CANT1: variants seen among roughly 807,000 people sequenced by gnomAD.
The protein encoded by CANT1 is soluble calcium-activated nucleotidase 1.
A neutral mutation model predicts 30.0 loss-of-function variants in CANT1; 26 were observed. The observed-to-expected ratio is 0.87, with a 90% CI of 0.64 to 1.20. The LOEUF is 1.20. Ranked by LOEUF, CANT1 falls within the 50% of genes most tolerant of loss-of-function variation. The pLI, the probability that CANT1 is intolerant of heterozygous loss-of-function variation, is 0.00. For synonymous variants in CANT1, 246 were observed against 251.8 expected (o/e 0.98, Z 0.22); for missense variants, 518 against 563.0 (o/e 0.92, Z 0.81).
At position 78,992,863 on chromosome 17, in the gene CANT1, A is replaced by G; in HGVS notation, c.*687T>C. The G allele has an allele frequency of 2.7e-6, 1 of 374,578 alleles. No homozygotes were observed. The highest frequency in any genetic ancestry group is 2.8e-5 in the South Asian group (1 of 35,750). 23.2% of individuals were successfully genotyped at this position (374,578 alleles called of 1,614,324 possible). A position where few individuals can be genotyped will look rare whatever the true frequency, so the allele number is the denominator to read the frequency against. ...CTGCTTTAATTAAAGCAGGTTAATA[A>G]TTAAAACTTCAAAGTACTGCACAGC... On this transcript the variant is annotated 3_prime_UTR_variant, in exon 5 of 5. Coordinates refer to ENST00000392446, the MANE Select transcript of CANT1 (RefSeq NM_001159773.2).
Position 78,993,989 on chromosome 17 carries a change from C to A in CANT1, c.836-69G>T, listed in dbSNP as rs986368921. 3 of 1,506,072 alleles carry A rather than the reference C, an allele frequency of 2.0e-6. No individual in the cohort carries two copies. The highest frequency in any genetic ancestry group is 2.7e-6 in the Non-Finnish European group (3 of 1,130,140). 93.3% of individuals were successfully genotyped at this position (1,506,072 alleles called of 1,614,324 possible). On this transcript the variant is annotated intron_variant, in intron 4 of 4. Coordinates refer to ENST00000392446, the MANE Select transcript of CANT1 (RefSeq NM_001159773.2). This position sits in a 1 kb window ranked among gnomAD's most constrained non-coding sequence, Gnocchi z 4.5. ...TGTGCCCAGCCCCACACCATCAGGCCGTGCGCAGTAGCAGGCAAGGGGCTG... is the reference window on the plus strand; with the variant it reads ...TGTGCCCAGCCCCACACCATCAGGCAGTGCGCAGTAGCAGGCAAGGGGCTG...
At position 78,998,480 on chromosome 17, in the gene CANT1, C is replaced by T. The variant is rs542528804; in HGVS notation, c.-146-517G>A. On this transcript the variant is annotated intron_variant, in intron 1 of 4. Transcript: ENST00000392446. The surrounding 1 kb of genome is among the most constrained non-coding windows in gnomAD (Gnocchi z 4.5). ...TGTGCCTTGGCGCCAAAGAACTGCTCGGCTCACTGCGGGGCCTGGCTCGGC... is the reference window on the plus strand; with the variant it reads ...TGTGCCTTGGCGCCAAAGAACTGCTTGGCTCACTGCGGGGCCTGGCTCGGC... Among the ~76,000 whole-genome samples the T allele has an allele frequency of 3.3e-5, 5 of 152,368 alleles. No individual in the cohort carries two copies. The highest frequency in any genetic ancestry group is 2.1e-4 in the South Asian group (1 of 4,828).
intron 1 of CANT1, among the ~76,000 whole-genome samples, chr17:79,003,025 GT>G (rs1011888482): frequency 1.3e-5 from 2 of 152,162 alleles, no homozygotes; most frequent in Non-Finnish European, 2.9e-5. Context: ...GGGAATCAGT[GT>G]GACGGAGGCA....
chr17:78,993,871 C>A lies in CANT1; in HGVS notation c.885G>T (p.Trp295Cys). 1 of 1,595,982 alleles carries A rather than the reference C, an allele frequency of 6.3e-7. No individual in the cohort carries two copies. Among genetic ancestry groups the A allele is most frequent in the East Asian group, 2.2e-5 (1 of 44,468 alleles). ...SACWSDTLQRWFFLPRRASQE... is the reference protein window; with the variant it reads ...SACWSDTLQRCFFLPRRASQE... ...GGCTGGCGCGGCGCGGCAGGAAGAA[C>A]CAGCGCTGCAGCGTGTCACTCCAGC... The change falls in exon 5 of 5, where the codon TGG becomes TGT. Residue 295 changes from tryptophan to cysteine, a missense_variant. By Grantham distance (215) the Trp-to-Cys change is radical (BLOSUM62 -2). Around this residue, in one of 3 missense-constraint regions of CANT1, gnomAD observed 221 missense variants for 211.8 expected, o/e 1.04. Transcript: ENST00000392446. This position sits in a 1 kb window ranked among gnomAD's most constrained non-coding sequence, Gnocchi z 4.5.
At position 78,997,155 on chromosome 17, in the gene CANT1, G is replaced by C; in HGVS notation, c.468C>G (p.Ser156=). 6.2e-7 allele frequency: 1 copy of C among 1,614,114 alleles called. No individual in the cohort carries two copies. The highest frequency in any genetic ancestry group is 8.5e-7 in the Non-Finnish European group (1 of 1,180,056). The change falls in exon 3 of 5, where the codon TCC becomes TCG. Residue 156 remains serine, a synonymous_variant. Transcript: ENST00000392446. The surrounding 1 kb of genome is among the most constrained non-coding windows in gnomAD (Gnocchi z 7.5). ...EWDKDHGVLE[S]HLAEKGRGME... ...TGCCTCTCCCCTTCTCCGCCAGGTGGGACTCCAGGACCCCATGGTCTTTGT... is the reference window on the plus strand; with the variant it reads ...TGCCTCTCCCCTTCTCCGCCAGGTGCGACTCCAGGACCCCATGGTCTTTGT...
chr17:78,996,601 G>C lies in CANT1; in HGVS notation c.631+391C>G, dbSNP rs564337513. Among the ~76,000 whole-genome samples the C allele has an allele frequency of 6.6e-6, 1 of 152,284 alleles. No individual in the cohort carries two copies. Among genetic ancestry groups the C allele is most frequent in the African/African-American group, 2.4e-5 (1 of 41,548 alleles). On this transcript the variant is annotated intron_variant, in intron 3 of 4. Coordinates refer to ENST00000392446, the MANE Select transcript of CANT1 (RefSeq NM_001159773.2). The surrounding 1 kb of genome is among the most constrained non-coding windows in gnomAD (Gnocchi z 5.1). ...TCTGGGTTTTGAGTGAGAACCATCT[G>C]TCCCCATGGCTTTCAGGGCAAGGCT...
In CANT1 at chr17:78,995,748, G is replaced by C. The variant is rs1255666371; in HGVS notation, c.632-527C>G. Among the ~76,000 whole-genome samples, 1 of 152,170 alleles carries C rather than the reference G, an allele frequency of 6.6e-6. No homozygotes were observed. Among genetic ancestry groups the C allele is most frequent in the Non-Finnish European group, 1.5e-5 (1 of 68,038 alleles). Reference sequence around the variant, plus strand: ...AAGGCTGCCACAGTTCAGGCTGTGTGGGAGCCTGTGTTCTACCGTGTATTC... The same window carrying C: ...AAGGCTGCCACAGTTCAGGCTGTGTCGGAGCCTGTGTTCTACCGTGTATTC... On this transcript the variant is annotated intron_variant, in intron 3 of 4. Coordinates refer to ENST00000392446, the MANE Select transcript of CANT1 (RefSeq NM_001159773.2). The surrounding 1 kb of genome is among the most constrained non-coding windows in gnomAD (Gnocchi z 5.7).
chr17:79,006,504 C>A (rs982845085), intron 1 of CANT1, among the ~76,000 whole-genome samples: 2 of 152,172 alleles, frequency 1.3e-5, no homozygotes, highest in Non-Finnish European at 2.9e-5. Flanking sequence ...CCACCAATCA[C>A]AGGAGGAAGA....
In CANT1 at chr17:78,995,379, G is replaced by A. The variant is rs1452487862; in HGVS notation, c.632-158C>T. On this transcript the variant is annotated intron_variant, in intron 3 of 4. Coordinates refer to ENST00000392446, the MANE Select transcript of CANT1 (RefSeq NM_001159773.2). The surrounding 1 kb of genome is among the most constrained non-coding windows in gnomAD (Gnocchi z 5.7). ...CCGGCCCGCACCTGGCTCCCGCCCA[G>A]GGCCGGCCGGCTGCCCTCCCCTCAG... is the stretch of plus-strand genomic sequence containing the variant. 4.0e-6 allele frequency: 3 copies of A among 751,958 alleles called. No homozygotes were observed. Among genetic ancestry groups the A allele is most frequent in the African/African-American group, 1.7e-5 (1 of 57,790 alleles). The allele number at this position is 751,958 out of a possible 1,614,324, so 46.6% of individuals were successfully genotyped here.
chr17:78,999,976 T>C (rs2071193637), intron 1 of CANT1: 1 of 151,616 alleles, frequency 6.6e-6, no homozygotes, highest in Non-Finnish European at 1.5e-5. Flanking sequence ...TAATTTTTTT[T>C]ATAGAGATGA....
intron 1 of CANT1, among the ~76,000 whole-genome samples, chr17:79,001,361 C>CAGGTCA (rs1004188476): frequency 6.6e-6 from 1 of 152,160 alleles, no homozygotes; most frequent in Non-Finnish European, 1.5e-5. Flanking sequence ...ACCTGCCACT[C>CAGGTCA]AGGTCAGTCC....
rs888629268 is a variant in CANT1, at chr17:78,994,047, C to G, written c.836-127G>C. On this transcript the variant is annotated intron_variant, in intron 4 of 4. Transcript: ENST00000392446. ...CAGGGCCCACCAGCTCACAGCAACCCGCCCCTCCCTGCTCTCCAGGATTCT... is the reference window on the plus strand; with the variant it reads ...CAGGGCCCACCAGCTCACAGCAACCGGCCCCTCCCTGCTCTCCAGGATTCT... 6.0e-5 allele frequency: 76 copies of G among 1,276,550 alleles called. 1 individual carries two copies. The Admixed American group carries it at 1.9e-3, about 32-fold the overall frequency. The allele number at this position is 1,276,550 out of a possible 1,614,324, so 79.1% of individuals were successfully genotyped here. A position where few individuals can be genotyped will look rare whatever the true frequency, so the allele number is the denominator to read the frequency against.
chr17:78,994,906 C>A (rs1468202139), intron 4 of CANT1, 112 bp downstream of exon 4: 12 of 1,141,164 alleles, frequency 1.1e-5, no homozygotes, highest in Non-Finnish European at 1.4e-5. Flanking sequence ...GGTGACAGAG[C>A]AAGACTATGT....
At chr17:79,006,856 C>A (rs1431615753) in intron 1 of CANT1, among the ~76,000 whole-genome samples, 3 of 152,220 alleles carry the variant, frequency 2.0e-5, no homozygotes, top group African/African-American at 7.2e-5. Flanking sequence ...CTGCCACCTT[C>A]TCTCCTCACG....
chr17:79,002,523 G>A lies in CANT1; in HGVS notation c.-146-4560C>T, dbSNP rs892786786. 7.9e-5 allele frequency among the ~76,000 whole-genome samples: 12 copies of A among 151,788 alleles called. No homozygotes were observed. The highest frequency in any genetic ancestry group is 2.7e-4 in the African/African-American group (11 of 41,354). On this transcript the variant is annotated intron_variant, in intron 1 of 4. Transcript: ENST00000392446. The surrounding 1 kb of genome is among the most constrained non-coding windows in gnomAD (Gnocchi z 4.0). ...TAGACTCTGCCTGGTGTGTAGACGC[G>A]GCCTGCGTAGACGCGGCCTGCTGTG...
chr17:78,994,021 C>CG, intron 4 of CANT1, 101 bp from the exon 5 acceptor site: 3 of 1,427,838 alleles, frequency 2.1e-6, no homozygotes, highest in Non-Finnish European at 1.9e-6. Flanking sequence ...GCTGCGACCA[C>CG]CAGGGCCCAC....
chr17:79,003,257 C>T (rs1349849080), intron 1 of CANT1, among the ~76,000 whole-genome samples: 2 of 152,154 alleles, frequency 1.3e-5, no homozygotes, highest in Non-Finnish European at 2.9e-5. Flanking sequence ...ACCAGAACAC[C>T]TTCCCTTGGG....
At position 78,997,463 on chromosome 17, in the gene CANT1, C is replaced by T. The variant is rs544673477; in HGVS notation, c.160G>A (p.Ala54Thr). The part of the protein sequence containing the change: ...KVILTFFVGA[A>T]ILWLLCSHRP... Reference sequence around the variant, plus strand: ...TGGGAGCAGAGCAGCCAGAGGATGGCAGCACCCACAAAGAACGTCAGGATC... The same window carrying T: ...TGGGAGCAGAGCAGCCAGAGGATGGTAGCACCCACAAAGAACGTCAGGATC... The change falls in exon 3 of 5, where the codon GCC becomes ACC. Residue 54 changes from alanine to threonine, a missense_variant. Transcript: ENST00000392446. This position sits in a 1 kb window ranked among gnomAD's most constrained non-coding sequence, Gnocchi z 7.5. 1.4e-5 allele frequency: 23 copies of T among 1,596,576 alleles called. No homozygotes were observed. The highest frequency in any genetic ancestry group is 2.7e-5 in the African/African-American group (2 of 74,670).
At chr17:79,006,750 G>C (rs1466364588) in intron 1 of CANT1, among the ~76,000 whole-genome samples, 1 of 152,258 alleles carries the variant, frequency 6.6e-6, no homozygotes, top group African/African-American at 2.4e-5. Flanking sequence ...CTTTTCCAGA[G>C]TGTGTGAAAA....
Sources: gnomAD v4.1 joint callset for allele counts (sites outside exome capture counted in the v4.1 genomes callset) on GRCh38, gnomAD v4.1.1 for gene constraint, gnomAD v4.1.1 regional missense constraint, Gnocchi (gnomAD v3.1) non-coding constraint, MANE v1.5 for transcripts, NCBI Gene and HGNC (gene_info 2026-07-23, HGNC 2026-07-21) for gene names.